The following GRIK2 variants were observed in gnomAD, a reference collection of about 807,000 sequenced individuals.
The protein encoded by GRIK2 is glutamate ionotropic receptor kainate type subunit 2.
A neutral mutation model predicts 100.3 loss-of-function variants in GRIK2; 32 were observed. That is an observed-to-expected ratio of 0.32 (90% CI 0.24 to 0.43). The LOEUF is 0.43. Among genes scored for constraint, GRIK2 ranks in the 20% least tolerant of loss-of-function variants. The pLI is 1.00. For synonymous variants in GRIK2, 417 were observed against 389.4 expected (o/e 1.07, Z -0.83); for missense variants, 843 against 1,114.9 (o/e 0.76, Z 3.47).
At chr6:101,716,266 T>A (rs1240596998) in intron 7 of GRIK2, among the ~76,000 whole-genome samples, 1 of 151,592 alleles carries the variant, frequency 6.6e-6, no homozygotes, top group African/African-American at 2.4e-5. Context: ...TGATAATAAA[T>A]AATAAATATA....
chr6:101,554,567 A>C (rs1268569388), intron 2 of GRIK2, among the ~76,000 whole-genome samples: 2 of 152,280 alleles, frequency 1.3e-5, no homozygotes, highest in East Asian at 3.9e-4. Context: ...ACTCCTGGCT[A>C]GGTTAGGTGA....
At chr6:101,653,564 G>A (rs1264407115) in intron 4 of GRIK2, among the ~76,000 whole-genome samples, 1 of 152,094 alleles carries the variant, frequency 6.6e-6, no homozygotes, top group Non-Finnish European at 1.5e-5. Context: ...TCTTTCAAGA[G>A]TCAAGCCCTC....
intron 7 of GRIK2, among the ~76,000 whole-genome samples, chr6:101,779,354 C>T (rs1050840024): frequency 3.3e-5 from 5 of 152,000 alleles, no homozygotes; most frequent in African/African-American, 1.2e-4. Context: ...ATACACCAAG[C>T]AATAAGCTAG....
At chr6:101,694,424 T>G (rs1772325330) in intron 7 of GRIK2, among the ~76,000 whole-genome samples, 1 of 152,052 alleles carries the variant, frequency 6.6e-6, no homozygotes, top group Non-Finnish European at 1.5e-5. Context: ...GATAATGTTT[T>G]TTCACGCTAA....
chr6:101,395,742 A>G lies in GRIK2; in HGVS notation c.-294+1905A>G, dbSNP rs144900592. 1.2e-3 allele frequency among the ~76,000 whole-genome samples: 181 copies of G among 152,202 alleles called. 1 individual carries two copies. The highest frequency in any genetic ancestry group is 3.6e-3 in the African/African-American group (150 of 41,512). ...ATGATATGCATTTTCTTCTTTGTCA[A>G]TTTATCATAGGTTTGATATTTGTGT... On this transcript the variant is annotated intron_variant, in intron 1 of 16. Coordinates refer to ENST00000369134, the MANE Select transcript of GRIK2 (RefSeq NM_021956.5).
intron 11 of GRIK2, among the ~76,000 whole-genome samples, chr6:101,887,401 G>A (rs1212856605): frequency 1.3e-5 from 2 of 152,160 alleles, no homozygotes; most frequent in African/African-American, 4.8e-5. Context: ...CTTTTCATGT[G>A]CCTAAGAGAA....
chr6:101,645,042 C>T (rs768495589), intron 4 of GRIK2, among the ~76,000 whole-genome samples: 9 of 151,468 alleles, frequency 5.9e-5, no homozygotes, highest in East Asian at 1.9e-4. Context: ...ACAATAGGAA[C>T]GGCAATAAAC....
At chr6:101,549,251 A>G (rs1479073462) in intron 2 of GRIK2, among the ~76,000 whole-genome samples, 2 of 146,564 alleles carry the variant, frequency 1.4e-5, no homozygotes, top group Non-Finnish European at 3.0e-5. Context: ...TGATCAAATA[A>G]AGGAGGGTTA....
chr6:101,997,010 A>T (rs915310321), intron 14 of GRIK2, among the ~76,000 whole-genome samples: 1 of 152,170 alleles, frequency 6.6e-6, no homozygotes, highest in African/African-American at 2.4e-5. Context: ...TTGTTAAAAA[A>T]TAATTATTTG....
chr6:101,899,894 T>A (rs1787727619), intron 12 of GRIK2, among the ~76,000 whole-genome samples: 1 of 151,804 alleles, frequency 6.6e-6, no homozygotes, highest in Non-Finnish European at 1.5e-5. Flanking sequence ...TAATGGGGGG[T>A]GCTGGGAGGT....
chr6:101,831,701 C>G (rs1428997513), intron 10 of GRIK2, among the ~76,000 whole-genome samples: 1 of 152,038 alleles, frequency 6.6e-6, no homozygotes. Context: ...TGAATTAGAA[C>G]TTAGTTTTTG....
chr6:101,870,467 T>G (rs942834476), intron 11 of GRIK2, among the ~76,000 whole-genome samples: 2 of 151,904 alleles, frequency 1.3e-5, no homozygotes, highest in East Asian at 3.9e-4. Context: ...ATGTTTTGTT[T>G]CCTCTGTGTA....
intron 4 of GRIK2, among the ~76,000 whole-genome samples, chr6:101,633,105 G>A (rs181131324): frequency 1.9e-4 from 29 of 152,156 alleles, no homozygotes; most frequent in African/African-American, 5.1e-4. Flanking sequence ...AAAAGCTAGC[G>A]TAGGAGAGAT....
At chr6:101,701,548 G>A (rs1039112411) in intron 7 of GRIK2, among the ~76,000 whole-genome samples, 2 of 152,040 alleles carry the variant, frequency 1.3e-5, no homozygotes, top group Non-Finnish European at 2.9e-5. Flanking sequence ...GAAAAGGGAA[G>A]TGAATAAGTG....
rs538441186 is a variant in GRIK2, at chr6:101,553,940, G to GA, written c.116-68008dup. Among the ~76,000 whole-genome samples the GA allele has an allele frequency of 1.5e-3, 222 of 152,306 alleles. 2 individuals carry two copies. The highest frequency in any genetic ancestry group is 2.6e-3 in the Non-Finnish European group (177 of 68,036). On this transcript the variant is annotated intron_variant, in intron 2 of 16. Transcript: ENST00000369134. ...CCGCCTTCCAGAGGAACTATCTACT[G>GA]ACAGACGCAGTCACCTCAGTGGACG...
intron 7 of GRIK2, among the ~76,000 whole-genome samples, chr6:101,796,399 A>T (rs1457440028): frequency 6.6e-6 from 1 of 152,222 alleles, no homozygotes; most frequent in Non-Finnish European, 1.5e-5. Context: ...GAATAAGAGA[A>T]ACCACATTTC....
intron 2 of GRIK2, among the ~76,000 whole-genome samples, chr6:101,611,751 A>G (rs1263439075): frequency 2.0e-5 from 3 of 151,768 alleles, no homozygotes; most frequent in Non-Finnish European, 2.9e-5. Context: ...ACATTACGCT[A>G]TATACTTTCC....
At chr6:101,818,897 A>C (rs1781789036) in intron 10 of GRIK2, among the ~76,000 whole-genome samples, 1 of 151,976 alleles carries the variant, frequency 6.6e-6, no homozygotes, top group African/African-American at 2.4e-5. Context: ...ATTTTTCAGA[A>C]TTTTTTCTCA....
At chr6:101,761,580 A>G (rs1028987165) in intron 7 of GRIK2, among the ~76,000 whole-genome samples, 2 of 152,148 alleles carry the variant, frequency 1.3e-5, no homozygotes, top group Non-Finnish European at 2.9e-5. Context: ...AAAATTAACA[A>G]AACTCCACAC....
Sources: allele counts gnomAD v4.1 joint callset (sites outside exome capture counted in the v4.1 genomes callset), GRCh38; gene constraint gnomAD v4.1.1; transcripts MANE v1.5; gene names NCBI Gene and HGNC (gene_info 2026-07-23, HGNC 2026-07-21).